The following MYOC variants were observed in gnomAD, a reference collection of about 807,000 sequenced individuals.
MYOC encodes juvenile-onset open-angle glaucoma 1.
In MYOC, 29 loss-of-function variants were observed where a neutral mutation model predicts 28.2. That is an observed-to-expected ratio of 1.03 (90% CI 0.77 to 1.40). MYOC has a LOEUF of 1.40. Ranked by LOEUF, MYOC falls within the 40% of genes most tolerant of loss-of-function variation. The probability of loss-of-function intolerance (pLI) is 0.00; values close to 1 mark genes in which losing one functional copy is unlikely to be tolerated. For missense variants in MYOC, 569 were observed against 620.6 expected (o/e 0.92, Z 0.88); for synonymous variants, 240 against 245.6 (o/e 0.98, Z 0.21).
chr1:171,651,323 C>A (rs1653344010), intron 1 of MYOC, among the ~76,000 whole-genome samples: 1 of 148,084 alleles, frequency 6.8e-6, no homozygotes. Flanking sequence ...AGAAGACCTC[C>A]CCCAACACCT....
intron 1 of MYOC, among the ~76,000 whole-genome samples, chr1:171,643,560 G>A (rs934761938): frequency 1.7e-4 from 26 of 152,200 alleles, no homozygotes; most frequent in African/African-American, 6.3e-4. Context: ...CAAAATCAGG[G>A]CATTAAGCAA....
chr1:171,640,570 C>T (rs945374560), intron 1 of MYOC, among the ~76,000 whole-genome samples: 8 of 152,070 alleles, frequency 5.3e-5, no homozygotes, highest in African/African-American at 1.9e-4. Flanking sequence ...CCCATCTCTA[C>T]AAAAACTACA....
At chr1:171,647,537 A>G (rs1414964082) in intron 1 of MYOC, among the ~76,000 whole-genome samples, 1 of 152,110 alleles carries the variant, frequency 6.6e-6, no homozygotes, top group Non-Finnish European at 1.5e-5. Context: ...AAACAAAACA[A>G]AACAAAAAAC....
chr1:171,636,044 G>A lies in MYOC; in HGVS notation c.1396C>T (p.Pro466Ser), dbSNP rs1233844388. The change falls in exon 3 of 3, where the codon CCA becomes TCA. Residue 466 changes from proline to serine, a missense_variant. By Grantham distance (74) the Pro-to-Ser change is moderately conservative. Transcript: ENST00000037502. ...CTGTACTTATAGCGGTTCTTGAATGGGATGGTCAGGGTCTTGCTGATACCT... is the reference window on the plus strand; with the variant it reads ...CTGTACTTATAGCGGTTCTTGAATGAGATGGTCAGGGTCTTGCTGATACCT... ...GTGISKTLTI[P>S]FKNRYKYSSM... 1 of 1,614,176 alleles carries A rather than the reference G, an allele frequency of 6.2e-7. No homozygotes were observed.
chr1:171,650,197 T>TACAC (rs372143697), intron 1 of MYOC, among the ~76,000 whole-genome samples: 11 of 151,334 alleles, frequency 7.3e-5, no homozygotes, highest in African/African-American at 1.7e-4. Context: ...ACTATTTTTG[T>TACAC]ACACACACAC....
chr1:171,644,728 C>G (rs759101717), intron 1 of MYOC, among the ~76,000 whole-genome samples: 1 of 152,072 alleles, frequency 6.6e-6, no homozygotes, highest in African/African-American at 2.4e-5. Context: ...CTGCAGATAG[C>G]GCCTGATAAA....
intron 2 of MYOC, 121 bp downstream of exon 2, chr1:171,638,476 C>A: frequency 8.7e-7 from 1 of 1,145,018 alleles, no homozygotes. Flanking sequence ...CCTCCCTCTG[C>A]TCCCAGGGAA....
Position 171,638,631 on chromosome 1 carries a change from T to C in MYOC, c.696A>G (p.Pro232=), listed in dbSNP as rs771863727. ...VPASRILKES[P]SGYLRSGEGD... is the part of the protein sequence containing the mutation. ...CCTCTCCACTCCTGAGATAGCCAGA[T>C]GGGCTCTCCTTCAAAATTCGGGAAG... is the stretch of plus-strand genomic sequence containing the variant. The change falls in exon 2 of 3, where the codon CCA becomes CCG. Residue 232 remains proline, a synonymous_variant. Coordinates refer to ENST00000037502, the MANE Select transcript of MYOC (RefSeq NM_000261.2). The C allele has an allele frequency of 3.7e-6, 6 of 1,614,204 alleles. No individual in the cohort carries two copies. The highest frequency in any genetic ancestry group is 1.7e-5 in the Admixed American group (1 of 60,032).
At position 171,635,966 on chromosome 1, in the gene MYOC, A is replaced by G; in HGVS notation, c.1474T>C (p.Leu492=). The change falls in exon 3 of 3, where the codon TTG becomes CTG. Residue 492 remains leucine, a synonymous_variant. Transcript: ENST00000037502. Reference sequence around the variant, plus strand: ...TTGATGTCATAAGTGACCATGTTCAAGTTGTCCCAGGCAAAGAGCTTCTTC... The same window carrying G: ...TTGATGTCATAAGTGACCATGTTCAGGTTGTCCCAGGCAAAGAGCTTCTTC... The part of the protein sequence containing the change: ...LEKKLFAWDN[L]NMVTYDIKLS... The G allele has an allele frequency of 3.1e-6, 5 of 1,614,180 alleles. No homozygotes were observed. The highest frequency in any genetic ancestry group is 1.6e-4 in the Middle Eastern group (1 of 6,062).
At position 171,652,290 on chromosome 1, in the gene MYOC, C is replaced by A. The variant is rs1483089986; in HGVS notation, c.322G>T (p.Ala108Ser). ...LLHQLTLDQAARPQETQEGLQ... is the reference protein window; with the variant it reads ...LLHQLTLDQASRPQETQEGLQ... Reference sequence around the variant, plus strand: ...CCCTCCTGGGTCTCCTGGGGCCTGGCAGCCTGGTCCAAGGTCAATTGGTGG... The same window carrying A: ...CCCTCCTGGGTCTCCTGGGGCCTGGAAGCCTGGTCCAAGGTCAATTGGTGG... Residue 108 changes from alanine to serine, a missense_variant, in exon 1 of 3, where the codon GCC (alanine) becomes TCC (serine). By Grantham distance (99) the Ala-to-Ser change is moderately conservative. Transcript: ENST00000037502. The A allele has an allele frequency of 1.9e-6, 3 of 1,612,680 alleles. No individual in the cohort carries two copies. Among genetic ancestry groups the A allele is most frequent in the East Asian group, 2.2e-5 (1 of 44,872 alleles).
At position 171,636,187 on chromosome 1, in the gene MYOC, TC is replaced by T; in HGVS notation, c.1252del (p.Glu418ArgfsTer46). ...PENLELEQTW[E>X]TNIRKQSVAN... ...GACTGACTGCTTACGGATGTTTGTC[TC>T]CCAGGTTTGTTCGAGTTCCAGATTC... On this transcript the variant is annotated frameshift_variant, in exon 3 of 3. Transcript: ENST00000037502. LOFTEE classifies it low-confidence loss of function (END_TRUNC). 1 of 1,614,156 alleles carries T rather than the reference TC, an allele frequency of 6.2e-7. No homozygotes were observed. Among genetic ancestry groups the T allele is most frequent in the Non-Finnish European group, 8.5e-7 (1 of 1,180,024 alleles).
intron 2 of MYOC, among the ~76,000 whole-genome samples, chr1:171,636,945 T>C (rs1652938164): frequency 6.6e-6 from 1 of 152,186 alleles, no homozygotes; most frequent in African/African-American, 2.4e-5. Flanking sequence ...GTGTTTTGGG[T>C]AGTAGGGCTG....
intron 1 of MYOC, among the ~76,000 whole-genome samples, chr1:171,647,847 C>T (rs918144795): frequency 1.3e-5 from 2 of 152,264 alleles, no homozygotes; most frequent in South Asian, 2.1e-4. Flanking sequence ...CTCGCCTCAG[C>T]CACCGTGGCC....
chr1:171,644,577 CTTT>C (rs10545148), intron 1 of MYOC, among the ~76,000 whole-genome samples: 127 of 140,270 alleles, frequency 9.1e-4, no homozygotes, highest in African/African-American at 2.4e-3. Context: ...TAAAAAACAG[CTTT>C]TTTTTTTTTT....
chr1:171,641,028 G>C (rs1215262847), intron 1 of MYOC, among the ~76,000 whole-genome samples: 1 of 152,154 alleles, frequency 6.6e-6, no homozygotes, highest in Non-Finnish European at 1.5e-5. Context: ...CACCAAAAAT[G>C]AACCCTAATT....
In MYOC at chr1:171,636,554, G is replaced by A. The variant is rs759114694; in HGVS notation, c.886C>T (p.Arg296Cys). ...WRIDTVGTDV[R>C]QVFEYDLISQ... ...ATGAGGTCATACTCAAAAACCTGGCGGACATCCGTGCCAACTGTGTCGATT... is the reference window on the plus strand; with the variant it reads ...ATGAGGTCATACTCAAAAACCTGGCAGACATCCGTGCCAACTGTGTCGATT... The change falls in exon 3 of 3, where the codon CGC becomes TGC. Residue 296 changes from arginine to cysteine, a missense_variant. Arg to Cys is a radical substitution (Grantham distance 180). Coordinates refer to ENST00000037502, the MANE Select transcript of MYOC (RefSeq NM_000261.2). 3.6e-5 allele frequency: 58 copies of A among 1,608,468 alleles called. No individual in the cohort carries two copies. Among genetic ancestry groups the A allele is most frequent in the Non-Finnish European group, 4.5e-5 (53 of 1,176,462 alleles).
Position 171,652,011 on chromosome 1 carries a change from C to T in MYOC, c.601G>A (p.Glu201Lys). 6.2e-7 allele frequency: 1 copy of T among 1,614,238 alleles called. No homozygotes were observed. Among genetic ancestry groups the T allele is most frequent in the Non-Finnish European group, 8.5e-7 (1 of 1,180,042 alleles). Residue 201 changes from glutamate (E) to lysine (K), a missense_variant, in exon 1 of 3, where the codon GAA (glutamate) becomes AAA (lysine). By Grantham distance (56) the Glu-to-Lys change is moderately conservative. Transcript: ENST00000037502. ...TARAVPPGSREVSTWNLDTLA... is the reference protein window; with the variant it reads ...TARAVPPGSRKVSTWNLDTLA... ...TCCCCCCACTCTGCATTCTTACCTT[C>T]TCTGGAGCCTGGTGGCACAGCCCGA... is the stretch of plus-strand genomic sequence containing the variant.
At position 171,636,330 on chromosome 1, in the gene MYOC, C is replaced by T. The variant is rs149881467; in HGVS notation, c.1110G>A (p.Pro370=). 45 of 1,614,022 alleles carry T rather than the reference C, an allele frequency of 2.8e-5. No homozygotes were observed. The East Asian group carries it at 3.1e-4, about 11-fold the overall frequency. Residue 370 remains proline (P), a synonymous_variant, in exon 3 of 3, where the codon CCG becomes CCA. Transcript: ENST00000037502. ...TGTCCGTGTAGCCACCCCAAGAATA[C>T]GGGAACTGTCCGTGGTAGCCAGCTC... ...IPGAGYHGQF[P]YSWGGYTDID... is the part of the protein sequence containing the mutation.
chr1:171,649,919 CA>C (rs1213145544), intron 1 of MYOC, among the ~76,000 whole-genome samples: 3 of 152,136 alleles, frequency 2.0e-5, no homozygotes, highest in Admixed American at 2.0e-4. Context: ...TCCATATCTG[CA>C]AAAATCAGCC....
Sources: gnomAD v4.1 joint callset for allele counts (sites outside exome capture counted in the v4.1 genomes callset) on GRCh38, gnomAD v4.1.1 for gene constraint, MANE v1.5 for transcripts, NCBI Gene and HGNC (gene_info 2026-07-23, HGNC 2026-07-21) for gene names.